Variants in L3MBTL4 observed in about 807,000 individuals in gnomAD.
L3MBTL4 encodes the protein L3MBTL histone methyl-lysine binding protein 4.
A neutral mutation model predicts 84.5 loss-of-function variants in L3MBTL4; 70 were observed. That is an observed-to-expected ratio of 0.83 (90% CI 0.68 to 1.01). The LOEUF is 1.01. Ranked by LOEUF, L3MBTL4 falls within the 50% of genes least tolerant of loss-of-function variation. The pLI is 0.00. For missense variants in L3MBTL4, 715 were observed against 754.8 expected, an observed-to-expected ratio of 0.95 and a Z score of 0.62; for synonymous variants, 274 against 259.8, an observed-to-expected ratio of 1.05 and a Z score of -0.52.
intron 1 of L3MBTL4, among the ~76,000 whole-genome samples, chr18:6,333,202 A>G (rs1447406174): frequency 6.6e-6 from 1 of 152,218 alleles, no homozygotes; most frequent in Non-Finnish European, 1.5e-5. Flanking sequence ...AAGGGTAGGA[A>G]TCAATAATAA....
At chr18:6,003,654 A>G (rs574692199) in intron 16 of L3MBTL4, among the ~76,000 whole-genome samples, 45 of 152,206 alleles carry the variant, frequency 3.0e-4, no homozygotes, top group Admixed American at 1.0e-3. Context: ...TTAAGCCACA[A>G]ATCATGTTTC....
At chr18:6,082,650 TTC>T (rs1485433743) in intron 15 of L3MBTL4, among the ~76,000 whole-genome samples, 2 of 152,198 alleles carry the variant, frequency 1.3e-5, no homozygotes, top group Admixed American at 6.5e-5. Flanking sequence ...AAGATCTTGC[TTC>T]TGTCTTACAA....
At chr18:6,391,895 G>A (rs2055070675) in intron 1 of L3MBTL4, among the ~76,000 whole-genome samples, 1 of 152,106 alleles carries the variant, frequency 6.6e-6, no homozygotes, top group African/African-American at 2.4e-5. Flanking sequence ...TCATGGATGG[G>A]AAGAATCAAT....
chr18:5,989,634 C>A (rs982707865), intron 16 of L3MBTL4, among the ~76,000 whole-genome samples: 2 of 152,182 alleles, frequency 1.3e-5, no homozygotes, highest in Admixed American at 1.3e-4. Context: ...GTTCTCAAGC[C>A]CTACCATGCA....
chr18:6,352,525 G>A (rs905180891), intron 1 of L3MBTL4, among the ~76,000 whole-genome samples: 1 of 152,164 alleles, frequency 6.6e-6, no homozygotes, highest in Non-Finnish European at 1.5e-5. Flanking sequence ...ATAAAAAGTG[G>A]TTGATGAGAT....
chr18:6,264,271 C>T (rs1568404410), intron 4 of L3MBTL4, among the ~76,000 whole-genome samples: 2 of 152,204 alleles, frequency 1.3e-5, no homozygotes, highest in Non-Finnish European at 2.9e-5. Flanking sequence ...ATGTCTCACC[C>T]TCTAGAAAAT....
chr18:6,123,682 C>T (rs977090069), intron 14 of L3MBTL4, among the ~76,000 whole-genome samples: 5 of 152,146 alleles, frequency 3.3e-5, no homozygotes, highest in Non-Finnish European at 5.9e-5. Context: ...ATGAATATCA[C>T]AGATATTTTA....
intron 16 of L3MBTL4, among the ~76,000 whole-genome samples, chr18:6,049,070 G>C (rs1415922356): frequency 6.6e-6 from 1 of 152,078 alleles, no homozygotes; most frequent in African/African-American, 2.4e-5. Context: ...GGGAGAGCTT[G>C]AGCCCAGGCG....
At chr18:6,380,065 A>T (rs1229197092) in intron 1 of L3MBTL4, among the ~76,000 whole-genome samples, 4 of 152,136 alleles carry the variant, frequency 2.6e-5, no homozygotes, top group African/African-American at 9.7e-5. Flanking sequence ...TATGTGCAGG[A>T]ATTTATCCAT....
intron 2 of L3MBTL4, 144 bp from the exon 3 acceptor site, chr18:6,311,800 T>C (rs770315844): frequency 1.7e-5 from 10 of 585,802 alleles, no homozygotes; most frequent in Non-Finnish European, 3.1e-5. Flanking sequence ...AACTTTGCAA[T>C]TGGTTTTATA....
At chr18:6,198,940 T>C (rs1331217074) in intron 12 of L3MBTL4, among the ~76,000 whole-genome samples, 3 of 152,194 alleles carry the variant, frequency 2.0e-5, no homozygotes, top group Admixed American at 6.5e-5. Flanking sequence ...ATTTAGATAA[T>C]TTTCAAGCTC....
At chr18:6,233,749 A>C (rs541553629) in intron 10 of L3MBTL4, among the ~76,000 whole-genome samples, 1 of 152,258 alleles carries the variant, frequency 6.6e-6, no homozygotes, top group South Asian at 2.1e-4. Flanking sequence ...GCCCCAGGTA[A>C]TTTACAGATT....
At chr18:6,330,086 T>C (rs988649691) in intron 1 of L3MBTL4, among the ~76,000 whole-genome samples, 1 of 152,238 alleles carries the variant, frequency 6.6e-6, no homozygotes, top group African/African-American at 2.4e-5. Context: ...GAGTAATTTC[T>C]AGCTTTGGGA....
chr18:6,127,073 C>T lies in L3MBTL4; in HGVS notation c.1199+11121G>A, dbSNP rs2059718547. On this transcript the variant is annotated intron_variant, in intron 14 of 18. Coordinates refer to ENST00000317931, the MANE Select transcript of L3MBTL4 (RefSeq NM_001330559.2). ...GAAGTACTGTGCATAAAAATTAAAG[C>T]CGTGCCTTTGGGAACCCTTTTGAAC... Among the ~76,000 whole-genome samples, 3 of 152,146 alleles carry T rather than the reference C, an allele frequency of 2.0e-5. No homozygotes were observed. The South Asian group carries it at 6.2e-4, about 32-fold the overall frequency.
At chr18:6,292,951 C>CA (rs376389270) in intron 4 of L3MBTL4, among the ~76,000 whole-genome samples, 1 of 152,102 alleles carries the variant, frequency 6.6e-6, no homozygotes, top group African/African-American at 2.4e-5. Context: ...TTACTAGTGC[C>CA]AAAAAACTTT....
chr18:5,972,020 T>C (rs1464257486), intron 16 of L3MBTL4, among the ~76,000 whole-genome samples: 1 of 152,104 alleles, frequency 6.6e-6, no homozygotes, highest in African/African-American at 2.4e-5. Flanking sequence ...AAAACTGAAT[T>C]TGGGAGTGCA....
intron 1 of L3MBTL4, among the ~76,000 whole-genome samples, chr18:6,361,545 T>C (rs2053695658): frequency 1.3e-5 from 2 of 152,134 alleles, no homozygotes; most frequent in Admixed American, 1.3e-4. Flanking sequence ...TTAATCCTTC[T>C]CTGAGAGGCT....
intron 1 of L3MBTL4, among the ~76,000 whole-genome samples, chr18:6,345,215 C>CAAAAAAAAAAAAAAAAAA (rs35502624): frequency 1.6e-4 from 6 of 38,482 alleles, no homozygotes; most frequent in Non-Finnish European, 1.5e-4. Context: ...TACTAAAATA[C>CAAAAAAAAAAAAAAAAAA]AAAAAAAAAA....
intron 13 of L3MBTL4, among the ~76,000 whole-genome samples, chr18:6,150,067 A>G (rs1215486793): frequency 6.6e-6 from 1 of 152,158 alleles, no homozygotes; most frequent in African/African-American, 2.4e-5. Flanking sequence ...CAGCTCTTGA[A>G]CTGTTTTTCC....
Sources: allele counts gnomAD v4.1 joint callset (sites outside exome capture counted in the v4.1 genomes callset), GRCh38; gene constraint gnomAD v4.1.1; transcripts MANE v1.5; gene names NCBI Gene and HGNC (gene_info 2026-07-23, HGNC 2026-07-21).